Variants in PLA2R1 observed in about 807,000 individuals in gnomAD.
PLA2R1 encodes secretory phospholipase A2 receptor.
In PLA2R1, 158 loss-of-function variants were observed where a neutral mutation model predicts 195.9. That is an observed-to-expected ratio of 0.81 (90% CI 0.71 to 0.92). PLA2R1 has a LOEUF of 0.92. Among genes scored for constraint, PLA2R1 ranks in the 40% least tolerant of loss-of-function variants. The probability of loss-of-function intolerance (pLI) is 0.00; values close to 1 mark genes in which losing one functional copy is unlikely to be tolerated. For missense variants in PLA2R1, 1,626 were observed against 1,764.6 expected (o/e 0.92, Z 1.41); for synonymous variants, 586 against 598.2 (o/e 0.98, Z 0.30).
chr2:160,019,393 CCT>C (rs1323838149), intron 8 of PLA2R1, among the ~76,000 whole-genome samples: 1 of 152,108 alleles, frequency 6.6e-6, no homozygotes, highest in African/African-American at 2.4e-5. Context: ...CAAAAGCCGA[CCT>C]CTCTCTCACC....
intron 6 of PLA2R1, 86 bp from the exon 7 acceptor site, chr2:160,022,945 G>C: frequency 1.1e-6 from 1 of 901,616 alleles, no homozygotes; most frequent in Admixed American, 2.5e-5. Flanking sequence ...CCATTAATAT[G>C]ATTACTTTAA....
At chr2:160,028,727 T>C in intron 5 of PLA2R1, 123 bp downstream of exon 5, 4 of 640,000 alleles carry the variant, frequency 6.3e-6, no homozygotes, top group Non-Finnish European at 8.4e-6. Context: ...AGGAATTCAG[T>C]CAGGCTAAAA....
chr2:160,013,751 G>GTGTGTGTGTGTGTGTGTGTC (rs1486424551), intron 9 of PLA2R1, among the ~76,000 whole-genome samples: 3 of 129,870 alleles, frequency 2.3e-5, no homozygotes, highest in South Asian at 2.6e-4. Flanking sequence ...GTGTGTGTGT[G>GTGTGTGTGTGTGTGTGTGTC]TCTCTCTCTC....
chr2:159,935,508 G>A lies in PLA2R1; in HGVS notation c.*6270C>T, dbSNP rs1030695866. 2 of 152,128 alleles carry A rather than the reference G, an allele frequency of 1.3e-5. No individual in the cohort carries two copies. The highest frequency in any genetic ancestry group is 4.8e-5 in the African/African-American group (2 of 41,428). The allele number at this position is 152,128 out of a possible 1,614,324, so 9.4% of individuals were successfully genotyped here. On this transcript the variant is annotated 3_prime_UTR_variant, in exon 30 of 30. Coordinates refer to ENST00000283243, the MANE Select transcript of PLA2R1 (RefSeq NM_007366.5). ...TGGACACACAGATATTTATTGTGTG[G>A]GTTATAATCCAATATTATAATTTTT...
At chr2:159,985,222 C>A (rs1037496934) in intron 12 of PLA2R1, among the ~76,000 whole-genome samples, 1 of 152,176 alleles carries the variant, frequency 6.6e-6, no homozygotes, top group African/African-American at 2.4e-5. Flanking sequence ...ATGGGCGAGG[C>A]CACTTTTGGG....
chr2:160,050,687 C>T (rs1189899805), intron 1 of PLA2R1, among the ~76,000 whole-genome samples: 1 of 152,108 alleles, frequency 6.6e-6, no homozygotes, highest in Admixed American at 6.5e-5. Context: ...ATAGTGTTTG[C>T]CTGCAAGGAA....
chr2:159,930,060 T>A (rs915821544), downstream of PLA2R1, among the ~76,000 whole-genome samples: 1 of 152,068 alleles, frequency 6.6e-6, no homozygotes, highest in African/African-American at 2.4e-5. Flanking sequence ...AAGAATGATA[T>A]GATGGACTTT....
intron 10 of PLA2R1, among the ~76,000 whole-genome samples, chr2:160,009,086 A>C (rs1033964054): frequency 1.3e-5 from 2 of 152,250 alleles, no homozygotes; most frequent in African/African-American, 4.8e-5. Flanking sequence ...GAGAAACTGG[A>C]ACCTTTATGC....
intron 23 of PLA2R1, among the ~76,000 whole-genome samples, chr2:159,952,465 A>G (rs1687803294): frequency 6.6e-6 from 1 of 152,222 alleles, no homozygotes; most frequent in African/African-American, 2.4e-5. Flanking sequence ...CTAAAGGACA[A>G]AAACAAGGTA....
intron 1 of PLA2R1, among the ~76,000 whole-genome samples, chr2:160,052,707 C>A (rs1695286182): frequency 6.6e-6 from 1 of 150,890 alleles, no homozygotes; most frequent in Non-Finnish European, 1.5e-5. Flanking sequence ...CAAATGCCTG[C>A]ATATTAAAGC....
At chr2:160,038,698 G>A (rs1394545922) in intron 3 of PLA2R1, among the ~76,000 whole-genome samples, 2 of 152,178 alleles carry the variant, frequency 1.3e-5, no homozygotes, top group South Asian at 2.1e-4. Context: ...AGATTGGAAG[G>A]TAGGGTTAGA....
At chr2:159,985,554 T>C (rs1446041352) in intron 12 of PLA2R1, among the ~76,000 whole-genome samples, 1 of 152,096 alleles carries the variant, frequency 6.6e-6, no homozygotes, top group Non-Finnish European at 1.5e-5. Flanking sequence ...TTCACTTATA[T>C]ATACACACAC....
chr2:160,049,838 C>CA (rs1695111412), intron 1 of PLA2R1, among the ~76,000 whole-genome samples: 1 of 151,910 alleles, frequency 6.6e-6, no homozygotes, highest in Non-Finnish European at 1.5e-5. Context: ...AACAAACAAA[C>CA]AAAAAACAAC....
chr2:160,029,771 G>GA (rs1419844989), intron 4 of PLA2R1, among the ~76,000 whole-genome samples: 1 of 151,978 alleles, frequency 6.6e-6, no homozygotes, highest in African/African-American at 2.4e-5. Context: ...ATTTCGGGGG[G>GA]AAAAAAACCA....
At chr2:159,925,433 T>C in the PLA2R1 span, among the ~76,000 whole-genome samples, 1 of 152,168 alleles carries the variant, frequency 6.6e-6, no homozygotes, top group South Asian at 2.1e-4. Flanking sequence ...TCTGAGAACA[T>C]TGTTTTTATT....
chr2:159,930,588 G>A (rs1373017567), downstream of PLA2R1, among the ~76,000 whole-genome samples: 1 of 152,124 alleles, frequency 6.6e-6, no homozygotes, highest in African/African-American at 2.4e-5. Context: ...CAAAGTCGGA[G>A]TCAGACTTTC....
At chr2:160,031,716 T>C (rs921196082) in intron 4 of PLA2R1, among the ~76,000 whole-genome samples, 1 of 152,198 alleles carries the variant, frequency 6.6e-6, no homozygotes, top group Non-Finnish European at 1.5e-5. Flanking sequence ...ATCACTTGCT[T>C]GTATCACTGT....
At chr2:159,971,871 T>C (rs1010153701) in intron 17 of PLA2R1, among the ~76,000 whole-genome samples, 2 of 152,206 alleles carry the variant, frequency 1.3e-5, no homozygotes, top group South Asian at 4.1e-4. Context: ...ATTTGTCATA[T>C]CAGCAATTTG....
rs1300405127 is a variant in PLA2R1 at position 159,941,780 on chromosome 2, A to G, written c.4390T>C (p.Ter1464GlnextTer1). The change falls in exon 30 of 30, where the codon TAA (stop) becomes CAA (glutamine). Residue 1464 changes from the stop codon to glutamine, a stop_lost. Coordinates refer to ENST00000283243, the MANE Select transcript of PLA2R1 (RefSeq NM_007366.5). Reference sequence around the variant, plus strand: ...TGTGGCATTCTCTGACCTCATTATTATTGGTCACTCTTCTCAAGATCAGAA... The same window carrying G: ...TGTGGCATTCTCTGACCTCATTATTGTTGGTCACTCTTCTCAAGATCAGAA... The part of the protein sequence containing the change: ...LISDLEKSDQ[*>Q] 1.3e-6 allele frequency: 2 copies of G among 1,537,268 alleles called. No individual in the cohort carries two copies. Among genetic ancestry groups the G allele is most frequent in the East Asian group, 2.2e-5 (1 of 44,488 alleles).
Sources: allele counts gnomAD v4.1 joint callset (sites outside exome capture counted in the v4.1 genomes callset), GRCh38; gene constraint gnomAD v4.1.1; transcripts MANE v1.5; gene names NCBI Gene and HGNC (gene_info 2026-07-23, HGNC 2026-07-21).